The following ELMOD1 variants were observed in gnomAD, a reference collection of about 807,000 sequenced individuals.
ELMOD1 encodes ELMO domain-containing protein 1.
Under a neutral mutation model 46.7 loss-of-function variants are expected in ELMOD1, and 21 were observed. The observed-to-expected ratio is 0.45, with a 90% CI of 0.32 to 0.65. ELMOD1 has a LOEUF of 0.65. Ranked by LOEUF, ELMOD1 falls within the 30% of genes least tolerant of loss-of-function variation. The pLI, the probability that ELMOD1 is intolerant of heterozygous loss-of-function variation, is 0.04. For synonymous variants in ELMOD1, 122 were observed against 138.2 expected (o/e 0.88, Z 0.82); for missense variants, 348 against 407.8 (o/e 0.85, Z 1.26).
intron 11 of ELMOD1, among the ~76,000 whole-genome samples, chr11:107,660,565 A>T (rs1325348428): frequency 1.3e-5 from 2 of 152,248 alleles, no homozygotes; most frequent in African/African-American, 4.8e-5. Context: ...CCAGAGGAAC[A>T]GAATGTACTG....
At chr11:107,625,295 A>G (rs1380517183) in intron 2 of ELMOD1, 2 of 669,628 alleles carry the variant, frequency 3.0e-6, no homozygotes, top group Non-Finnish European at 3.7e-6. Context: ...TGACATTTAG[A>G]TGAAAAGTAT....
intron 2 of ELMOD1, among the ~76,000 whole-genome samples, chr11:107,620,635 A>G (rs947120861): frequency 1.3e-5 from 2 of 152,248 alleles, no homozygotes; most frequent in Admixed American, 1.3e-4. Flanking sequence ...TGGGAGGCCT[A>G]GGCGGGCAGA....
intron 1 of ELMOD1, among the ~76,000 whole-genome samples, chr11:107,603,467 C>T (rs781318165): frequency 3.0e-4 from 45 of 151,950 alleles, no homozygotes; most frequent in Non-Finnish European, 4.4e-4. Flanking sequence ...TAAACCCAGG[C>T]GGTGGAGGTT....
intron 11 of ELMOD1, among the ~76,000 whole-genome samples, chr11:107,663,944 G>A (rs2135721817): frequency 6.6e-6 from 1 of 152,126 alleles, no homozygotes; most frequent in East Asian, 1.9e-4. Flanking sequence ...TCCTTCTAAT[G>A]TTAAGACAAA....
intron 1 of ELMOD1, among the ~76,000 whole-genome samples, chr11:107,597,784 G>A (rs1865518490): frequency 6.6e-6 from 1 of 152,122 alleles, no homozygotes; most frequent in Non-Finnish European, 1.5e-5. Flanking sequence ...CATCTGCTCT[G>A]TAACTAGCAC....
intron 11 of ELMOD1, among the ~76,000 whole-genome samples, chr11:107,664,372 A>C (rs1294908747): frequency 6.6e-6 from 1 of 152,204 alleles, no homozygotes; most frequent in African/African-American, 2.4e-5. Flanking sequence ...TTCTTATATC[A>C]AATACTTAAC....
chr11:107,602,615 A>G (rs1478000209), intron 1 of ELMOD1, among the ~76,000 whole-genome samples: 36 of 151,892 alleles, frequency 2.4e-4, no homozygotes, highest in Non-Finnish European at 1.6e-4. Context: ...GTTCCCTTTT[A>G]TTGATTCCTG....
intron 6 of ELMOD1, among the ~76,000 whole-genome samples, chr11:107,639,565 G>A (rs1866284317): frequency 6.6e-6 from 1 of 152,088 alleles, no homozygotes; most frequent in Non-Finnish European, 1.5e-5. Context: ...TGAATGCTCT[G>A]GCTCGAGGGC....
intron 5 of ELMOD1, among the ~76,000 whole-genome samples, chr11:107,634,247 G>A (rs1041573468): frequency 2.0e-5 from 3 of 152,116 alleles, no homozygotes; most frequent in Admixed American, 6.6e-5. Flanking sequence ...AAAAATAAAC[G>A]TGAAGTGCTA....
chr11:107,643,045 TAAAAAG>T (rs1283077220), intron 6 of ELMOD1: 1 of 229,876 alleles, frequency 4.4e-6, no homozygotes, highest in Non-Finnish European at 9.2e-6. Flanking sequence ...TCTGGAGTAA[TAAAAAG>T]AAGCATGTGG....
intron 10 of ELMOD1, among the ~76,000 whole-genome samples, chr11:107,655,573 C>CTTTTTTTTTT (rs746890763): frequency 0.05 from 5,546 of 111,978 alleles, 461 homozygotes; most frequent in Middle Eastern, 0.063. Flanking sequence ...ATTGAAATGC[C>CTTTTTTTTTT]TTTTTTTTTT....
At chr11:107,596,335 TC>T (rs1865492403) in intron 1 of ELMOD1, among the ~76,000 whole-genome samples, 1 of 152,118 alleles carries the variant, frequency 6.6e-6, no homozygotes, top group African/African-American at 2.4e-5. Context: ...GTTCCCTAAA[TC>T]TTTTTTACTT....
At chr11:107,633,434 T>C (rs1866175188) in intron 5 of ELMOD1, among the ~76,000 whole-genome samples, 1 of 152,146 alleles carries the variant, frequency 6.6e-6, no homozygotes, top group African/African-American at 2.4e-5. Context: ...TATTTATTTA[T>C]TTTAATCTTT....
chr11:107,640,617 T>C (rs1234707303), intron 6 of ELMOD1, among the ~76,000 whole-genome samples: 1 of 152,234 alleles, frequency 6.6e-6, no homozygotes, highest in Non-Finnish European at 1.5e-5. Context: ...GAATACATTT[T>C]TGTCTTAATT....
chr11:107,664,954 C>G, intron 11 of ELMOD1, 71 bp from the exon 12 acceptor site: 1 of 1,433,254 alleles, frequency 7.0e-7, no homozygotes, highest in Non-Finnish European at 9.5e-7. Flanking sequence ...CCTCAGCATT[C>G]AGAATGATTT....
At chr11:107,650,758 C>A in intron 8 of ELMOD1, 127 bp from the exon 9 acceptor site, 1 of 683,000 alleles carries the variant, frequency 1.5e-6, no homozygotes, top group Non-Finnish European at 2.3e-6. Context: ...GTTAAGAAGT[C>A]AGGGACCAAG....
intron 2 of ELMOD1, among the ~76,000 whole-genome samples, chr11:107,624,486 A>G (rs181460898): frequency 1.5e-3 from 235 of 152,276 alleles, no homozygotes; most frequent in African/African-American, 4.4e-3. Context: ...CCCCATCTTT[A>G]TAGAAAATAC....
At chr11:107,627,574 G>A (rs1284784403) in intron 2 of ELMOD1, among the ~76,000 whole-genome samples, 1 of 152,176 alleles carries the variant, frequency 6.6e-6, no homozygotes, top group Non-Finnish European at 1.5e-5. Flanking sequence ...CATATACAAG[G>A]ATGCCAGTGG....
intron 1 of ELMOD1, among the ~76,000 whole-genome samples, chr11:107,612,302 C>T (rs891181293): frequency 1.3e-5 from 2 of 151,964 alleles, no homozygotes; most frequent in Non-Finnish European, 2.9e-5. Context: ...GGGAGCTAAA[C>T]ATTGGGTACT....
Sources: gnomAD v4.1 joint callset for allele counts (sites outside exome capture counted in the v4.1 genomes callset) on GRCh38, gnomAD v4.1.1 for gene constraint, MANE v1.5 for transcripts, NCBI Gene and HGNC (gene_info 2026-07-23, HGNC 2026-07-21) for gene names.